Variants in SLC19A1 observed in about 807,000 individuals in gnomAD.
The protein encoded by SLC19A1 is reduced folate transporter.
In SLC19A1, 37 loss-of-function variants were observed where a neutral mutation model predicts 35.3. That is an observed-to-expected ratio of 1.05 (90% confidence interval 0.81 to 1.38). The LOEUF (loss-of-function observed/expected upper bound fraction) is 1.38. Among genes scored for constraint, SLC19A1 ranks in the 40% most tolerant of loss-of-function variants. The pLI is 0.00. For synonymous variants in SLC19A1, 460 were observed against 398.5 expected (o/e 1.15, Z -1.84); for missense variants, 831 against 826.9 (o/e 1.00, Z -0.06).
chr21:45,523,492 G>A (rs9984404), intron 5 of SLC19A1, among the ~76,000 whole-genome samples: 1,690 of 152,280 alleles, frequency 0.011, 26 homozygotes, highest in African/African-American at 0.039. Flanking sequence ...CTCGTGACCA[G>A]CTCTCTGGGG....
chr21:45,559,299 C>T (rs1240782760), intron 1 of SLC19A1, among the ~76,000 whole-genome samples: 4 of 152,150 alleles, frequency 2.6e-5, no homozygotes, highest in Admixed American at 1.3e-4. Context: ...GGGTGAGTGT[C>T]GGTGTCCTGG....
In SLC19A1 at chr21:45,503,450, G is replaced by A. The variant is rs554245082; in HGVS notation, c.498-4838C>T. 4.5e-4 allele frequency among the ~76,000 whole-genome samples: 69 copies of A among 151,894 alleles called. 1 individual carries two copies. The highest frequency in any genetic ancestry group is 3.5e-3 in the Admixed American group (54 of 15,272). ...GCACATATACACCATGGAATACTAC[G>A]CAGCCATAAAAAATGATGAGTTCAT... On this transcript the variant is annotated intron_variant, in intron 3 of 4. Coordinates refer to the SLC19A1 transcript ENST00000417954.
Position 45,530,769 on chromosome 21 carries a change from C to A in SLC19A1, c.1151+1G>T, listed in dbSNP as rs1029951494. On this transcript the variant is annotated splice_donor_variant, in intron 4 of 5. Transcript: ENST00000311124. LOFTEE classifies it high-confidence loss of function. This position sits in a 1 kb window ranked among gnomAD's most constrained non-coding sequence, Gnocchi z 5.3. ...CGGCTTCCCACCCTTCTGGAACTCA[C>A]GTGGCGATGGGCACGAGGAACTGGT... 4.5e-6 allele frequency: 7 copies of A among 1,554,754 alleles called. No homozygotes were observed. Among genetic ancestry groups the A allele is most frequent in the Non-Finnish European group, 6.1e-6 (7 of 1,149,320 alleles).
Position 45,534,555 on chromosome 21 carries a change from A to G in SLC19A1, c.190-2407T>C. The G allele has an allele frequency of 6.5e-7, 1 of 1,535,652 alleles. No individual in the cohort carries two copies. Reference sequence around the variant, plus strand: ...TCACCCACCTCCGAATGAATGGAGCATGCCTCATTTCCTCTTCCACCAGGA... The same window carrying G: ...TCACCCACCTCCGAATGAATGGAGCGTGCCTCATTTCCTCTTCCACCAGGA... On this transcript the variant is annotated intron_variant, in intron 2 of 5. Coordinates refer to ENST00000311124, the MANE Select transcript of SLC19A1 (RefSeq NM_194255.4). This position sits in a 1 kb window ranked among gnomAD's most constrained non-coding sequence, Gnocchi z 4.2.
rs1555879339 is a variant in SLC19A1, at chr21:45,516,314, C to CA, written c.1294-175_1294-174insT. ...GCAGGTGCCACAGTGCTCACCACAG[C>CA]CCCCCCGACCTCCACCACCTGGCAC... On this transcript the variant is annotated intron_variant, in intron 5 of 5. Transcript: ENST00000311124. Among the ~76,000 whole-genome samples the CA allele has an allele frequency of 1.7e-4, 8 of 45,962 alleles. No homozygotes were observed. The East Asian group carries it at 4.0e-3, about 23-fold the overall frequency. 30.2% of individuals were successfully genotyped at this position (45,962 alleles called of 152,430 possible). A position where few individuals can be genotyped will look rare whatever the true frequency, so the allele number is the denominator to read the frequency against.
chr21:45,503,056 C>T (rs1568937993), intron 3 of SLC19A1: 1 of 152,118 alleles, frequency 6.6e-6, no homozygotes, highest in Non-Finnish European at 1.5e-5. Flanking sequence ...TTTATAGCAG[C>T]ATGATTTATA....
At chr21:45,532,262 TGG>T in intron 2 of SLC19A1, 114 bp from the exon 3 acceptor site, 1 of 820,246 alleles carries the variant, frequency 1.2e-6, no homozygotes, top group South Asian at 1.7e-5. Flanking sequence ...CACTGCCTGG[TGG>T]GACCCCTCTC....
At chr21:45,538,210 GC>G (rs1413144203) in intron 1 of SLC19A1, among the ~76,000 whole-genome samples, 1 of 152,216 alleles carries the variant, frequency 6.6e-6, no homozygotes, top group Admixed American at 6.5e-5. Flanking sequence ...AGTCCCCCAG[GC>G]CAGGCTGTCA....
chr21:45,527,206 C>T (rs1438291760), intron 4 of SLC19A1, among the ~76,000 whole-genome samples: 2 of 83,122 alleles, frequency 2.4e-5, no homozygotes, highest in Non-Finnish European at 4.5e-5. Context: ...TGGGTATGCC[C>T]GGGAGGGCCC....
rs2077934141 is a variant in SLC19A1, at chr21:45,531,927, G to A, written c.411C>T (p.Ser137=). The change falls in exon 3 of 6, where the codon TCC becomes TCT. Residue 137 remains serine (S), a synonymous_variant. Coordinates refer to ENST00000311124, the MANE Select transcript of SLC19A1 (RefSeq NM_194255.4). ...GCCGCACGAGAGAGAAGATGTAGGA[G>A]GAATAGGCGATGCGCGCGGCCATGG... ...SVTMAARIAY[S]SYIFSLVRPA... is the part of the protein sequence containing the mutation. 1 of 1,599,384 alleles carries A rather than the reference G, an allele frequency of 6.3e-7. No individual in the cohort carries two copies. Among genetic ancestry groups the A allele is most frequent in the Non-Finnish European group, 8.5e-7 (1 of 1,173,636 alleles).
chr21:45,529,520 G>A (rs1030981784), intron 4 of SLC19A1, among the ~76,000 whole-genome samples: 1 of 152,206 alleles, frequency 6.6e-6, no homozygotes, highest in African/African-American at 2.4e-5. Flanking sequence ...GAGCACACAG[G>A]GTCAGTGTCT....
intron 4 of SLC19A1, among the ~76,000 whole-genome samples, chr21:45,528,763 G>T (rs377256917): frequency 1.3e-4 from 20 of 152,182 alleles, no homozygotes; most frequent in African/African-American, 3.6e-4. Flanking sequence ...ACTGGGGATG[G>T]GTTGTAAGGC....
In SLC19A1 at chr21:45,513,177, A is replaced by C. The variant is rs2037707050; in HGVS notation, c.*2481T>G. On this transcript the variant is annotated 3_prime_UTR_variant, in exon 6 of 6. Transcript: ENST00000311124. Reference sequence around the variant, plus strand: ...AGGGACCCATGAGTTGGGGTCTGGCAGCCTCCCATCCAGGGCCCCCATCTC... The same window carrying C: ...AGGGACCCATGAGTTGGGGTCTGGCCGCCTCCCATCCAGGGCCCCCATCTC... The C allele has an allele frequency of 6.6e-6, 1 of 152,382 alleles. No homozygotes were observed. The highest frequency in any genetic ancestry group is 2.1e-4 in the South Asian group (1 of 4,834). The allele number at this position is 152,382 out of a possible 1,614,324, so 9.4% of individuals were successfully genotyped here. A position where few individuals can be genotyped will look rare whatever the true frequency, so the allele number is the denominator to read the frequency against.
chr21:45,544,541 G>C (rs890707307), upstream of SLC19A1: 4 of 153,656 alleles, frequency 2.6e-5, no homozygotes, highest in African/African-American at 9.6e-5. Flanking sequence ...CGAGCCTCCA[G>C]CGGTCCCCGT....
chr21:45,542,978 T>A (rs1285919470), upstream of SLC19A1, among the ~76,000 whole-genome samples: 1 of 151,558 alleles, frequency 6.6e-6, no homozygotes, highest in African/African-American at 2.4e-5. Context: ...CAGCCTGCTC[T>A]TGGGGACCGC....
chr21:45,512,315 C>A (rs754620860), downstream of SLC19A1: 2 of 1,612,414 alleles, frequency 1.2e-6, no homozygotes, highest in African/African-American at 2.7e-5. Flanking sequence ...GGGGGGCAGG[C>A]TCCTGGGGCA....
intron 5 of SLC19A1, among the ~76,000 whole-genome samples, chr21:45,525,440 G>A (rs928859250): frequency 1.3e-5 from 2 of 152,272 alleles, no homozygotes; most frequent in African/African-American, 4.8e-5. Flanking sequence ...ACACTGCTGA[G>A]TGGCTCTGCT....
chr21:45,507,565 A>G (rs1008210914), downstream of SLC19A1: 7 of 1,612,138 alleles, frequency 4.3e-6, no homozygotes, highest in African/African-American at 8.0e-5. Context: ...TTCCAGCTGG[A>G]GGCCCGGACA....
rs544786681 is a variant in SLC19A1 at position 45,533,717 on chromosome 21, G to T, written c.190-1569C>A. On this transcript the variant is annotated intron_variant, in intron 2 of 5. Transcript: ENST00000311124. The surrounding 1 kb of genome is among the most constrained non-coding windows in gnomAD (Gnocchi z 4.5). Reference sequence around the variant, plus strand: ...CACAGCCCCACTCGTGCTGCCCCAGGTGACCTCAGCCCCTGCCAGCCACAC... The same window carrying T: ...CACAGCCCCACTCGTGCTGCCCCAGTTGACCTCAGCCCCTGCCAGCCACAC... Among the ~76,000 whole-genome samples the T allele has an allele frequency of 6.6e-6, 1 of 152,180 alleles. No individual in the cohort carries two copies. The highest frequency in any genetic ancestry group is 1.9e-4 in the East Asian group (1 of 5,160).
Sources: gnomAD v4.1 joint callset for allele counts (sites outside exome capture counted in the v4.1 genomes callset) on GRCh38, gnomAD v4.1.1 for gene constraint, Gnocchi (gnomAD v3.1) non-coding constraint, MANE v1.5 for transcripts, NCBI Gene and HGNC (gene_info 2026-07-23, HGNC 2026-07-21) for gene names.